ITGBL1: variants seen among roughly 807,000 people sequenced by gnomAD.
The protein encoded by ITGBL1 is integrin subunit beta like 1.
Under a neutral mutation model 68.5 loss-of-function variants are expected in ITGBL1, and 51 were observed. The observed-to-expected ratio is 0.74, with a 90% CI of 0.59 to 0.94. ITGBL1 has a LOEUF of 0.94. ITGBL1 is among the 40% of genes least tolerant of loss of function. The pLI, the probability that ITGBL1 is intolerant of heterozygous loss-of-function variation, is 0.00. For synonymous variants in ITGBL1, 209 were observed against 227.3 expected (o/e 0.92, Z 0.72); for missense variants, 649 against 647.4 (o/e 1.00, Z -0.03).
chr13:101,679,397 G>A (rs554893183), intron 7 of ITGBL1, among the ~76,000 whole-genome samples: 8 of 152,318 alleles, frequency 5.3e-5, no homozygotes, highest in Admixed American at 5.2e-4. Flanking sequence ...TCAAAGATCA[G>A]CCAGTATTTC....
chr13:101,505,753 CCTTCCT>C (rs5806224), intron 2 of ITGBL1, among the ~76,000 whole-genome samples: 17,580 of 152,018 alleles, frequency 0.12, 1,130 homozygotes, highest in East Asian at 0.22. Context: ...GTCGATGTTC[CCTTCCT>C]CTTCCTGCTT....
chr13:101,702,875 T>C (rs758048996), intron 8 of ITGBL1, among the ~76,000 whole-genome samples: 2 of 152,366 alleles, frequency 1.3e-5, no homozygotes, highest in African/African-American at 2.4e-5. Context: ...GAAGTAAAGA[T>C]GTACTCAATT....
At chr13:101,643,876 G>T (rs1428126076) in intron 7 of ITGBL1, among the ~76,000 whole-genome samples, 1 of 152,150 alleles carries the variant, frequency 6.6e-6, no homozygotes, top group Non-Finnish European at 1.5e-5. Context: ...GCAATGAGAA[G>T]TGCTACAACT....
chr13:101,460,216 C>A (rs1051590510), intron 2 of ITGBL1, among the ~76,000 whole-genome samples: 13 of 152,168 alleles, frequency 8.5e-5, no homozygotes, highest in Non-Finnish European at 1.8e-4. Context: ...ATAGCCCTTC[C>A]ATGTCTCTGA....
At chr13:101,499,037 C>A (rs2048900539) in intron 2 of ITGBL1, among the ~76,000 whole-genome samples, 1 of 152,092 alleles carries the variant, frequency 6.6e-6, no homozygotes, top group Non-Finnish European at 1.5e-5. Flanking sequence ...AATTATCTCC[C>A]TCTCACAACT....
chr13:101,569,084 AATT>A, intron 3 of ITGBL1, among the ~76,000 whole-genome samples: 1 of 139,932 alleles, frequency 7.1e-6, no homozygotes, highest in South Asian at 2.2e-4. Flanking sequence ...CTCTACTTCC[AATT>A]CATAACACCC....
chr13:101,601,465 T>C (rs988426551), intron 7 of ITGBL1, among the ~76,000 whole-genome samples: 1 of 152,236 alleles, frequency 6.6e-6, no homozygotes, highest in Admixed American at 6.5e-5. Flanking sequence ...AGTTATTTCC[T>C]GCTTTCTGCT....
intron 2 of ITGBL1, among the ~76,000 whole-genome samples, chr13:101,467,098 C>T (rs1190720616): frequency 6.6e-6 from 1 of 152,134 alleles, no homozygotes; most frequent in Non-Finnish European, 1.5e-5. Flanking sequence ...TATAAGGGCA[C>T]TAATCCCACT....
In ITGBL1 at chr13:101,452,790, C is replaced by G; in HGVS notation, c.-44C>G. 6.5e-7 allele frequency: 1 copy of G among 1,540,398 alleles called. No homozygotes were observed. Among genetic ancestry groups the G allele is most frequent in the African/African-American group, 1.4e-5 (1 of 73,604 alleles). ...CTGCCGCCTCCCTCGGTGAACCCCA[C>G]CTTGCAGAAGTGCAGCTCGCCCGGA... On this transcript the variant is annotated 5_prime_UTR_variant, in exon 1 of 11. Transcript: ENST00000376180.
chr13:101,471,248 T>C (rs2048452730), intron 2 of ITGBL1, among the ~76,000 whole-genome samples: 1 of 152,184 alleles, frequency 6.6e-6, no homozygotes, highest in Non-Finnish European at 1.5e-5. Flanking sequence ...TGCTTGTGCC[T>C]CTGTTTCCTC....
At position 101,715,535 on chromosome 13, in the gene ITGBL1, CATG is replaced by C. The variant is rs757768378; in HGVS notation, c.1394-25_1394-23del. 7.7e-5 allele frequency: 114 copies of C among 1,486,300 alleles called. 1 individual carries two copies. The African/African-American group carries it at 1.1e-3, about 14-fold the overall frequency. The allele number at this position is 1,486,300 out of a possible 1,614,324, so 92.1% of individuals were successfully genotyped here. A position where few individuals can be genotyped will look rare whatever the true frequency, so the allele number is the denominator to read the frequency against. ...AAATTTGGCACATTTTGATCATAATCATGATACCTATATGTATTTTATTGCAGG... is the reference window on the plus strand; with the variant it reads ...AAATTTGGCACATTTTGATCATAATCATACCTATATGTATTTTATTGCAGG... On this transcript the variant is annotated intron_variant, in intron 10 of 10. Coordinates refer to ENST00000376180, the MANE Select transcript of ITGBL1 (RefSeq NM_004791.3).
intron 1 of ITGBL1, among the ~76,000 whole-genome samples, chr13:101,453,143 T>C (rs956530487): frequency 3.3e-5 from 5 of 152,220 alleles, no homozygotes; most frequent in African/African-American, 1.2e-4. Flanking sequence ...ATGCAATCAT[T>C]GAATAAAAAT....
intron 6 of ITGBL1, among the ~76,000 whole-genome samples, chr13:101,584,126 A>G (rs879411886): frequency 1.3e-5 from 2 of 152,222 alleles, no homozygotes; most frequent in Admixed American, 6.5e-5. Context: ...AGATTCAAAA[A>G]TCTTTGACTG....
chr13:101,517,842 T>C (rs2049220622), intron 2 of ITGBL1, among the ~76,000 whole-genome samples: 1 of 152,146 alleles, frequency 6.6e-6, no homozygotes, highest in Non-Finnish European at 1.5e-5. Flanking sequence ...GAGGACTCTG[T>C]CCTGGGTGGC....
intron 2 of ITGBL1, among the ~76,000 whole-genome samples, chr13:101,490,925 T>G (rs934708204): frequency 3.3e-5 from 5 of 152,174 alleles, no homozygotes; most frequent in Non-Finnish European, 7.3e-5. Context: ...TTACTGACAT[T>G]TAGTAAAGAA....
chr13:101,535,257 A>G (rs1225353869), intron 2 of ITGBL1, among the ~76,000 whole-genome samples: 1 of 152,062 alleles, frequency 6.6e-6, no homozygotes, highest in Non-Finnish European at 1.5e-5. Context: ...AAAAAGAGCA[A>G]ACTTTCACCT....
At chr13:101,509,738 C>T (rs1704897365) in intron 2 of ITGBL1, among the ~76,000 whole-genome samples, 1 of 152,214 alleles carries the variant, frequency 6.6e-6, no homozygotes, top group South Asian at 2.1e-4. Context: ...CCAGAGTGAA[C>T]AGAAATGACT....
intron 8 of ITGBL1, among the ~76,000 whole-genome samples, chr13:101,703,498 T>C (rs957095705): frequency 6.6e-6 from 1 of 152,172 alleles, no homozygotes; most frequent in Non-Finnish European, 1.5e-5. Context: ...CTCTATGCCA[T>C]GAGTATTAGG....
chr13:101,474,317 T>C (rs1478846287), intron 2 of ITGBL1, among the ~76,000 whole-genome samples: 1 of 151,998 alleles, frequency 6.6e-6, no homozygotes, highest in Non-Finnish European at 1.5e-5. Flanking sequence ...TGGCCATGGA[T>C]AGACACTCTT....
Sources: gnomAD v4.1 joint callset for allele counts (sites outside exome capture counted in the v4.1 genomes callset) on GRCh38, gnomAD v4.1.1 for gene constraint, MANE v1.5 for transcripts, NCBI Gene and HGNC (gene_info 2026-07-23, HGNC 2026-07-21) for gene names.